Variants in PASD1 observed in about 807,000 individuals in gnomAD.
PASD1 encodes the protein PAS domain containing repressor 1.
PASD1 carries 13 observed loss-of-function variants against 58.8 expected under a neutral mutation model. That is an observed-to-expected ratio of 0.22 (90% CI 0.14 to 0.35). The LOEUF (loss-of-function observed/expected upper bound fraction) is 0.35. PASD1 is among the 10% of genes least tolerant of loss of function. PASD1 has a pLI of 1.00. For missense variants in PASD1, 734 were observed against 568.3 expected (o/e 1.29, Z -2.96); for synonymous variants, 236 against 216.7 (o/e 1.09, Z -0.78).
intron 1 of PASD1, among the ~76,000 whole-genome samples, chrX:151,569,164 G>A (rs750541599): frequency 1.8e-5 from 2 of 112,391 alleles, no homozygotes; most frequent in South Asian, 3.7e-4. Flanking sequence ...GAATGAACTT[G>A]TAGGTTAATA....
intron 8 of PASD1, chrX:151,645,749 T>A (rs1426460228): frequency 1.8e-5 from 2 of 111,842 alleles, no homozygotes; most frequent in Non-Finnish European, 3.8e-5. Flanking sequence ...AGGCCAGCAG[T>A]GGATATGGCT....
chrX:151,601,464 TG>T lies in PASD1; in HGVS notation c.-27-62del, dbSNP rs769314135. 4.2e-4 allele frequency: 360 copies of T among 865,884 alleles called. 3 individuals are homozygous for T. The East Asian group carries it at 0.011, about 25-fold the overall frequency. 71.4% of individuals were successfully genotyped at this position (865,884 alleles called of 1,213,427 possible). On this transcript the variant is annotated intron_variant, in intron 1 of 15. Transcript: ENST00000370357. ...AATTGAGAATTTTGATTAGTCTTAT[TG>T]CTTTACTGTGATTCACCATAGACTG... is the stretch of plus-strand genomic sequence containing the variant.
rs753042490 is a variant in PASD1, at chrX:151,626,284, T to C, written c.629+754T>C. Among the ~76,000 whole-genome samples the C allele has an allele frequency of 2.7e-5, 3 of 112,041 alleles. No individual in the cohort carries two copies. The East Asian group carries it at 8.4e-4, about 31-fold the overall frequency. On this transcript the variant is annotated intron_variant, in intron 8 of 15. Transcript: ENST00000370357. ...GCATTCCTCTTTTGTGAATCTAATG[T>C]GTTCTTTAAAATTTGTTTACTAACA...
At chrX:151,599,186 G>C (rs2013363336) in intron 1 of PASD1, among the ~76,000 whole-genome samples, 1 of 112,569 alleles carries the variant, frequency 8.9e-6, no homozygotes, top group African/African-American at 3.2e-5. Context: ...ATTTTTCTTA[G>C]TACAGAACAA....
intron 1 of PASD1, among the ~76,000 whole-genome samples, chrX:151,564,390 C>T (rs770474621): frequency 2.8e-4 from 31 of 111,499 alleles, no homozygotes; most frequent in Admixed American, 6.6e-4. Flanking sequence ...AGGGCAGTAG[C>T]GGCTTTTCAA....
Position 151,605,207 on chromosome X carries a change from T to C in PASD1, c.117+473T>C, listed in dbSNP as rs190226172. On this transcript the variant is annotated intron_variant, in intron 3 of 15. Transcript: ENST00000370357. ...TTCCTTTGAGTGGGACAGACAGGGA[T>C]ACAGATTTTGCCTTTGTCCCTTACT... Among the ~76,000 whole-genome samples, 4 of 111,981 alleles carry C rather than the reference T, an allele frequency of 3.6e-5. No individual in the cohort carries two copies. The Admixed American group carries it at 3.8e-4, about 11-fold the overall frequency.
intron 2 of PASD1, among the ~76,000 whole-genome samples, chrX:151,603,239 G>A (rs754308358): frequency 1.8e-5 from 2 of 112,153 alleles, no homozygotes; most frequent in African/African-American, 6.5e-5. Flanking sequence ...GTAAACATTC[G>A]TTAAATAAAT....
chrX:151,624,802 T>C (rs1032539247), intron 7 of PASD1, among the ~76,000 whole-genome samples: 14 of 111,587 alleles, frequency 1.3e-4, no homozygotes, highest in Non-Finnish European at 7.5e-5. Flanking sequence ...ATATATGTCA[T>C]CATTTCTTCA....
intron 4 of PASD1, among the ~76,000 whole-genome samples, chrX:151,619,231 A>G (rs942977204): frequency 2.7e-5 from 3 of 111,908 alleles, no homozygotes; most frequent in African/African-American, 9.7e-5. Flanking sequence ...AGGCAAGTCA[A>G]GGACAAGTAA....
chrX:151,667,750 T>G (rs2014403257), intron 11 of PASD1, among the ~76,000 whole-genome samples: 1 of 112,050 alleles, frequency 8.9e-6, no homozygotes, highest in Non-Finnish European at 1.9e-5. Flanking sequence ...ATCTCTGTTT[T>G]GGTACCAGTA....
chrX:151,599,442 G>A (rs1277329977), intron 1 of PASD1, among the ~76,000 whole-genome samples: 2 of 106,795 alleles, frequency 1.9e-5, no homozygotes, highest in Non-Finnish European at 3.9e-5. Flanking sequence ...GGCTGGCCGG[G>A]CGGGGGCTGC....
At chrX:151,594,618 C>T (rs1380474975) in intron 1 of PASD1, among the ~76,000 whole-genome samples, 6 of 112,054 alleles carry the variant, frequency 5.4e-5, no homozygotes, top group Non-Finnish European at 1.1e-4. Context: ...ACGGGTTTTA[C>T]TTCAGCATAT....
chrX:151,642,590 T>G (rs375898239), intron 8 of PASD1, among the ~76,000 whole-genome samples: 1 of 112,278 alleles, frequency 8.9e-6, no homozygotes, highest in Non-Finnish European at 1.9e-5. Flanking sequence ...AATACACTTT[T>G]AAAGAATGCA....
intron 8 of PASD1, among the ~76,000 whole-genome samples, chrX:151,638,376 T>C (rs981158319): frequency 5.6e-5 from 6 of 107,090 alleles, no homozygotes; most frequent in Non-Finnish European, 1.2e-4. Flanking sequence ...CAAACCAACA[T>C]GGCACACGTA....
intron 3 of PASD1, among the ~76,000 whole-genome samples, chrX:151,607,767 A>T (rs2013505931): frequency 1.8e-5 from 2 of 111,956 alleles, no homozygotes; most frequent in South Asian, 7.5e-4. Flanking sequence ...CCCAGATCCC[A>T]TGCTCCGAGG....
intron 11 of PASD1, among the ~76,000 whole-genome samples, chrX:151,667,464 T>C (rs2014398806): frequency 8.9e-6 from 1 of 112,157 alleles, no homozygotes; most frequent in Admixed American, 9.5e-5. Context: ...CCCACGCCTA[T>C]GTCCTGAATG....
intron 8 of PASD1, among the ~76,000 whole-genome samples, chrX:151,633,192 C>T (rs1001452711): frequency 2.4e-4 from 27 of 111,310 alleles, no homozygotes; most frequent in African/African-American, 8.2e-4. Context: ...CATGAACAAC[C>T]GAGTCATTCC....
chrX:151,646,004 C>T (rs989280294), intron 8 of PASD1, among the ~76,000 whole-genome samples: 3 of 110,304 alleles, frequency 2.7e-5, no homozygotes, highest in Non-Finnish European at 3.8e-5. Flanking sequence ...TTGACCTCCC[C>T]GGCTCAAGTG....
In PASD1 at chrX:151,671,693, G is replaced by A; in HGVS notation, c.1351G>A (p.Asp451Asn). The change falls in exon 13 of 16, where the codon GAC becomes AAC. Residue 451 changes from aspartate (D) to asparagine (N), a missense_variant. By Grantham distance (23) the Asp-to-Asn change is conservative. Transcript: ENST00000370357. ...GAAGCGGCCTCTCCCACATCCCAAG[G>A]ACGTCAAGTGTTTCTGTGGTTTATC... The part of the protein sequence containing the change: ...QVKRPLPHPK[D>N]VKCFCGLSLS... 1 of 1,210,401 alleles carries A rather than the reference G, an allele frequency of 8.3e-7. No homozygotes were observed. Among genetic ancestry groups the A allele is most frequent in the Non-Finnish European group, 1.1e-6 (1 of 894,107 alleles).
Sources: gnomAD v4.1 joint callset for allele counts (sites outside exome capture counted in the v4.1 genomes callset) on GRCh38, gnomAD v4.1.1 for gene constraint, MANE v1.5 for transcripts, NCBI Gene and HGNC (gene_info 2026-07-23, HGNC 2026-07-21) for gene names.